Variants in FSTL5 observed in about 807,000 individuals in gnomAD.
FSTL5 encodes the protein follistatin like 5.
Under a neutral mutation model 89.1 loss-of-function variants are expected in FSTL5, and 62 were observed. That is an observed-to-expected ratio of 0.70 (90% CI 0.57 to 0.86). FSTL5 has a LOEUF of 0.86. Ranked by LOEUF, FSTL5 falls within the 40% of genes least tolerant of loss-of-function variation. The pLI is 0.00. For missense variants in FSTL5, 1,057 were observed against 1,001.6 expected (o/e 1.06, Z -0.75); for synonymous variants, 383 against 346.2 (o/e 1.11, Z -1.18).
intron 15 of FSTL5, among the ~76,000 whole-genome samples, chr4:161,425,524 C>A (rs902955641): frequency 6.6e-6 from 1 of 152,176 alleles, no homozygotes; most frequent in Non-Finnish European, 1.5e-5. Flanking sequence ...TCGTGTATCA[C>A]ATTTTCATAG....
At chr4:161,616,211 C>G (rs930746323) in intron 7 of FSTL5, among the ~76,000 whole-genome samples, 1 of 152,074 alleles carries the variant, frequency 6.6e-6, no homozygotes, top group Non-Finnish European at 1.5e-5. Context: ...CTCAGCCTCC[C>G]AAGTAGCTGG....
chr4:162,011,218 T>G (rs1344988608), intron 3 of FSTL5, among the ~76,000 whole-genome samples: 1 of 152,184 alleles, frequency 6.6e-6, no homozygotes, highest in Non-Finnish European at 1.5e-5. Flanking sequence ...ATTTTTCTGC[T>G]GAGTCATTGC....
At chr4:161,945,870 A>G (rs1040739383) in intron 3 of FSTL5, among the ~76,000 whole-genome samples, 1 of 152,196 alleles carries the variant, frequency 6.6e-6, no homozygotes, top group African/African-American at 2.4e-5. Flanking sequence ...CTATACATTT[A>G]TATGTATATG....
intron 12 of FSTL5, among the ~76,000 whole-genome samples, chr4:161,491,007 T>A (rs1195982707): frequency 6.6e-6 from 1 of 152,012 alleles, no homozygotes; most frequent in African/African-American, 2.4e-5. Flanking sequence ...TCATTTTACA[T>A]GAAAACAGAA....
intron 2 of FSTL5, among the ~76,000 whole-genome samples, 193 bp from the exon 3 acceptor site, chr4:162,033,851 T>G (rs1737631422): frequency 1.3e-5 from 2 of 152,120 alleles, no homozygotes. Context: ...CAGGCTGGAG[T>G]GCAATGGCAT....
intron 3 of FSTL5, among the ~76,000 whole-genome samples, chr4:161,962,710 T>C (rs1040263103): frequency 1.3e-5 from 2 of 152,006 alleles, no homozygotes; most frequent in African/African-American, 2.4e-5. Flanking sequence ...GCAGGCACCA[T>C]GAATTAAGTA....
At chr4:161,525,791 ATC>A (rs1560937753) in intron 10 of FSTL5, among the ~76,000 whole-genome samples, 3 of 152,174 alleles carry the variant, frequency 2.0e-5, no homozygotes, top group African/African-American at 7.2e-5. Flanking sequence ...ATTTTTTCAT[ATC>A]TCACCAAGTC....
intron 15 of FSTL5, chr4:161,386,680 A>G: frequency 2.1e-6 from 1 of 476,432 alleles, no homozygotes. Context: ...TAGAAAGAAA[A>G]ATAATTAAAA....
chr4:161,531,676 T>C (rs1731415549), intron 10 of FSTL5, among the ~76,000 whole-genome samples: 1 of 152,182 alleles, frequency 6.6e-6, no homozygotes, highest in Non-Finnish European at 1.5e-5. Flanking sequence ...TCTTAATATA[T>C]ACACTAAATA....
At chr4:162,055,470 T>A (rs758128665) in intron 2 of FSTL5, among the ~76,000 whole-genome samples, 5 of 151,352 alleles carry the variant, frequency 3.3e-5, no homozygotes, top group Admixed American at 6.6e-5. Flanking sequence ...TGAAAGACAT[T>A]TAAAAATGTA....
intron 4 of FSTL5, among the ~76,000 whole-genome samples, chr4:161,912,183 A>G (rs183803552): frequency 1.6e-3 from 247 of 152,324 alleles, no homozygotes; most frequent in African/African-American, 5.8e-3. Context: ...TTATATTGAA[A>G]AATAGTTGTA....
intron 15 of FSTL5, among the ~76,000 whole-genome samples, chr4:161,435,603 A>C (rs2126352144): frequency 6.6e-6 from 1 of 152,106 alleles, no homozygotes; most frequent in East Asian, 1.9e-4. Flanking sequence ...TAACACAAAA[A>C]AGGACAAATG....
At chr4:161,881,761 G>A (rs994653216) in intron 4 of FSTL5, among the ~76,000 whole-genome samples, 5 of 152,094 alleles carry the variant, frequency 3.3e-5, no homozygotes, top group Non-Finnish European at 7.4e-5. Flanking sequence ...CTTATTTGAG[G>A]CCATCTGGCT....
intron 4 of FSTL5, among the ~76,000 whole-genome samples, chr4:161,810,891 A>G (rs1014418293): frequency 3.3e-5 from 5 of 152,152 alleles, no homozygotes; most frequent in Non-Finnish European, 7.4e-5. Flanking sequence ...CATAGCAACA[A>G]ACAAATGAGT....
chr4:161,641,714 T>A (rs893091524), intron 7 of FSTL5, among the ~76,000 whole-genome samples: 2 of 151,940 alleles, frequency 1.3e-5, no homozygotes, highest in African/African-American at 4.8e-5. Context: ...ATGGTCTCGA[T>A]CTCCTGACCT....
At chr4:162,134,241 G>T (rs1034151593) in intron 1 of FSTL5, among the ~76,000 whole-genome samples, 1 of 152,202 alleles carries the variant, frequency 6.6e-6, no homozygotes. Context: ...AAGCACGGTG[G>T]TATCTCAGGC....
intron 15 of FSTL5, among the ~76,000 whole-genome samples, chr4:161,444,326 C>T (rs1191452704): frequency 6.6e-6 from 1 of 151,812 alleles, no homozygotes; most frequent in Non-Finnish European, 1.5e-5. Context: ...ACTACTGACA[C>T]AACACTATAT....
At chr4:161,608,161 T>C (rs1734516734) in intron 7 of FSTL5, among the ~76,000 whole-genome samples, 1 of 152,138 alleles carries the variant, frequency 6.6e-6, no homozygotes, top group Non-Finnish European at 1.5e-5. Flanking sequence ...GCAAATTAAA[T>C]GACATTTTGG....
At chr4:161,848,938 A>C (rs1731464839) in intron 4 of FSTL5, among the ~76,000 whole-genome samples, 1 of 152,132 alleles carries the variant, frequency 6.6e-6, no homozygotes, top group Admixed American at 6.6e-5. Context: ...GAGGGGTCTT[A>C]CAAGTCATGT....
Sources: allele counts gnomAD v4.1 joint callset (sites outside exome capture counted in the v4.1 genomes callset), GRCh38; gene constraint gnomAD v4.1.1; transcripts MANE v1.5; gene names NCBI Gene and HGNC (gene_info 2026-07-23, HGNC 2026-07-21).